PCDHGB7: variants seen among roughly 807,000 people sequenced by gnomAD.
The protein encoded by PCDHGB7 is protocadherin gamma-B7.
Under a neutral mutation model 61.4 loss-of-function variants are expected in PCDHGB7, and 37 were observed. The ratio of observed to expected loss-of-function variants is 0.60; its 90% CI spans 0.46 to 0.79. The LOEUF (loss-of-function observed/expected upper bound fraction) is 0.79, where lower values mean the gene tolerates loss of function less well. Ranked by LOEUF, PCDHGB7 falls within the 30% of genes least tolerant of loss-of-function variation. The probability of loss-of-function intolerance (pLI) is 0.00; values close to 1 mark genes in which losing one functional copy is unlikely to be tolerated. For synonymous variants in PCDHGB7, 464 were observed against 503.5 expected, an observed-to-expected ratio of 0.92 and a Z score of 1.05; for missense variants, 1,166 against 1,202.5, an observed-to-expected ratio of 0.97 and a Z score of 0.45.
intron 1 of PCDHGB7, chr5:141,478,312 C>T (rs768312280): frequency 8.1e-6 from 13 of 1,614,002 alleles, no homozygotes; most frequent in East Asian, 2.2e-5. Flanking sequence ...CCCCGGTGAG[C>T]TCACTGTACC....
In PCDHGB7 at chr5:141,419,061, A is replaced by G. The variant is rs747692559; in HGVS notation, c.1202A>G (p.Tyr401Cys). 5.0e-6 allele frequency: 8 copies of G among 1,613,964 alleles called. No homozygotes were observed. In the Admixed American group the frequency reaches 1.3e-4, roughly 27 times the overall value. ...AAGATTCATTCTTCTTCTAATAATT[A>G]CTACAAGCTAGTAACAGATGAGGCC... ...PFKIHSSSNN[Y>C]YKLVTDEALD... The change falls in exon 1 of 4, where the codon TAC becomes TGC. Residue 401 changes from tyrosine to cysteine, a missense_variant. Tyr to Cys is a radical substitution (Grantham distance 194). Transcript: ENST00000398594.
chr5:141,418,944 C>T lies in PCDHGB7; in HGVS notation c.1085C>T (p.Pro362Leu). 6.2e-7 allele frequency: 1 copy of T among 1,614,026 alleles called. No homozygotes were observed. Among genetic ancestry groups the T allele is most frequent in the Non-Finnish European group, 8.5e-7 (1 of 1,179,900 alleles). ...LSDQIMEDSP[P>L]GVVVALFKTR... ...GATCAGATTATGGAGGATTCCCCTC[C>T]AGGAGTGGTTGTTGCCCTCTTCAAA... is the stretch of plus-strand genomic sequence containing the variant. Residue 362 changes from proline (P) to leucine (L), a missense_variant, in exon 1 of 4, where the codon CCA becomes CTA. Pro to Leu is a moderately conservative substitution (Grantham distance 98, BLOSUM62 -3). Transcript: ENST00000398594.
At chr5:141,495,710 G>C (rs2099763133) in intron 2 of PCDHGB7, among the ~76,000 whole-genome samples, 1 of 152,148 alleles carries the variant, frequency 6.6e-6, no homozygotes, top group Non-Finnish European at 1.5e-5. Flanking sequence ...TGTGGAGTGA[G>C]TAACTACACG....
Position 141,476,878 on chromosome 5 carries a change from G to A in PCDHGB7, c.2416-17929G>A. 2 of 1,613,960 alleles carry A rather than the reference G, an allele frequency of 1.2e-6. No homozygotes were observed. The highest frequency in any genetic ancestry group is 1.7e-6 in the Non-Finnish European group (2 of 1,180,034). Reference sequence around the variant, plus strand: ...AGTCCTTGTACCGGGCGCGCGTCCTGGAGGATGCACCCTCCGGCACGCGCG... The same window carrying A: ...AGTCCTTGTACCGGGCGCGCGTCCTAGAGGATGCACCCTCCGGCACGCGCG... On this transcript the variant is annotated intron_variant, in intron 1 of 3. Transcript: ENST00000398594. This position sits in a 1 kb window ranked among gnomAD's most constrained non-coding sequence, Gnocchi z 7.6.
intron 2 of PCDHGB7, among the ~76,000 whole-genome samples, chr5:141,503,780 T>G (rs779791247): frequency 7.2e-5 from 11 of 152,124 alleles, no homozygotes; most frequent in Non-Finnish European, 1.3e-4. Flanking sequence ...GTTCTTAGGC[T>G]GAGTTCATCT....
rs145288114 is a variant in PCDHGB7 at position 141,477,334 on chromosome 5, C to T, written c.2416-17473C>T. On this transcript the variant is annotated intron_variant, in intron 1 of 3. Coordinates refer to ENST00000398594, the MANE Select transcript of PCDHGB7 (RefSeq NM_018927.4). This position sits in a 1 kb window ranked among gnomAD's most constrained non-coding sequence, Gnocchi z 4.9. ...GCCTTACTTCTTCCCTCAAGAATTA[C>T]TTCACTTTGAAAACCAGTGCAGACC... is the stretch of plus-strand genomic sequence containing the variant. 1.3e-4 allele frequency: 215 copies of T among 1,614,074 alleles called. No homozygotes were observed. Among genetic ancestry groups the T allele is most frequent in the Non-Finnish European group, 1.8e-4 (210 of 1,180,044 alleles).
chr5:141,506,994 G>A (rs1053891468), intron 3 of PCDHGB7: 1 of 152,126 alleles, frequency 6.6e-6, no homozygotes, highest in Non-Finnish European at 1.5e-5. Context: ...TCTCACACTC[G>A]ACAGATGAGA....
At chr5:141,426,779 T>G in intron 1 of PCDHGB7, 6 of 456,698 alleles carry the variant, frequency 1.3e-5, no homozygotes, top group Non-Finnish European at 1.8e-5. Context: ...GGCCTCACTC[T>G]CTCCAGAGTT....
chr5:141,423,139 G>A (rs2096713828), intron 1 of PCDHGB7: 2 of 1,613,616 alleles, frequency 1.2e-6, no homozygotes, highest in Middle Eastern at 1.7e-4. Flanking sequence ...GGACAGAGAC[G>A]CGCTCAAGCA....
chr5:141,427,268 A>G (rs1433017911), intron 1 of PCDHGB7: 7 of 456,648 alleles, frequency 1.5e-5, no homozygotes, highest in Non-Finnish European at 3.1e-5. Flanking sequence ...TGACCAGCGA[A>G]TGTAAAATTA....
rs767547572 is a variant in PCDHGB7 at position 141,505,495 on chromosome 5, G to C, written c.2563+14G>C. On this transcript the variant is annotated intron_variant, in intron 3 of 3. Coordinates refer to ENST00000398594, the MANE Select transcript of PCDHGB7 (RefSeq NM_018927.4). The stretch of plus-strand genomic sequence containing the variant: ...CGTCCGCCAGTGGTAAGTGGTGTCA[G>C]TGTGTGTATGGAAGAGTGGGAGACC... 5 of 1,614,210 alleles carry C rather than the reference G, an allele frequency of 3.1e-6. No individual in the cohort carries two copies. Among genetic ancestry groups the C allele is most frequent in the Non-Finnish European group, 4.2e-6 (5 of 1,180,000 alleles).
At position 141,486,135 on chromosome 5, in the gene PCDHGB7, G is replaced by A. The variant is rs145871538; in HGVS notation, c.2416-8672G>A. ...GAGAATTACTATGAATTTGATGTGC[G>A]GGCTCGCGATGGGGGTTCTCCAGCC... On this transcript the variant is annotated intron_variant, in intron 1 of 3. Transcript: ENST00000398594. This position sits in a 1 kb window ranked among gnomAD's most constrained non-coding sequence, Gnocchi z 5.0. The A allele has an allele frequency of 1.9e-6, 3 of 1,614,168 alleles. No homozygotes were observed. Among genetic ancestry groups the A allele is most frequent in the Non-Finnish European group, 2.5e-6 (3 of 1,180,022 alleles).
chr5:141,469,510 G>T (rs1022804863), intron 1 of PCDHGB7, among the ~76,000 whole-genome samples: 3 of 152,118 alleles, frequency 2.0e-5, no homozygotes, highest in African/African-American at 7.2e-5. Context: ...GGGAGGTGGA[G>T]GTTGCAGTGA....
In PCDHGB7 at chr5:141,438,621, TATATATATATATATACACAC is replaced by T. The variant is rs1185208192; in HGVS notation, c.2415+18349_2415+18368del. Among the ~76,000 whole-genome samples, 212 of 41,372 alleles carry T rather than the reference TATATATATATATATACACAC, an allele frequency of 5.1e-3. 1 individual carries two copies. The highest frequency in any genetic ancestry group is 0.03 in the African/African-American group (177 of 5,808). 27.1% of individuals were successfully genotyped at this position (41,372 alleles called of 152,430 possible). On this transcript the variant is annotated intron_variant, in intron 1 of 3. Transcript: ENST00000398594. ...ATATATATATATATATATATATATA[TATATATATATATATACACAC>T]ACACACACACATATATGTATATATA...
chr5:141,420,974 T>C, intron 1 of PCDHGB7: 1 of 460,696 alleles, frequency 2.2e-6, no homozygotes, highest in Non-Finnish European at 3.8e-6. Flanking sequence ...ATAATAAGAA[T>C]GGGCTCTAGG....
rs148675327 is a variant in PCDHGB7 at position 141,477,019 on chromosome 5, C to A, written c.2416-17788C>A. On this transcript the variant is annotated intron_variant, in intron 1 of 3. Coordinates refer to ENST00000398594, the MANE Select transcript of PCDHGB7 (RefSeq NM_018927.4). The surrounding 1 kb of genome is among the most constrained non-coding windows in gnomAD (Gnocchi z 4.9). ...AACTATTCGCCTTAGACCTTGTAAC[C>A]GGGATGCTGACAATCAAGGGTCGGC... The A allele has an allele frequency of 1.7e-5, 28 of 1,614,124 alleles. No individual in the cohort carries two copies. The African/African-American group carries it at 2.5e-4, about 15-fold the overall frequency.
rs572892456 is a variant in PCDHGB7, at chr5:141,427,959, C to T, written c.2415+7685C>T. On this transcript the variant is annotated intron_variant, in intron 1 of 3. Coordinates refer to ENST00000398594, the MANE Select transcript of PCDHGB7 (RefSeq NM_018927.4). Reference sequence around the variant, plus strand: ...GGGCGACCTCAATGACAATGTGCCGCGGGTGCTGTACCCCGCGCTGGGGCC... The same window carrying T: ...GGGCGACCTCAATGACAATGTGCCGTGGGTGCTGTACCCCGCGCTGGGGCC... 3.8e-6 allele frequency: 6 copies of T among 1,588,886 alleles called. No individual in the cohort carries two copies. The East Asian group carries it at 1.1e-4, about 30-fold the overall frequency.
intron 2 of PCDHGB7, among the ~76,000 whole-genome samples, chr5:141,501,966 C>A (rs1046026111): frequency 1.3e-5 from 2 of 152,118 alleles, no homozygotes; most frequent in African/African-American, 4.8e-5. Context: ...ATCCTCCTAA[C>A]CTCTGGCATC....
intron 3 of PCDHGB7, among the ~76,000 whole-genome samples, chr5:141,507,898 C>T (rs577177417): frequency 1.3e-5 from 2 of 152,310 alleles, no homozygotes; most frequent in East Asian, 1.9e-4. Flanking sequence ...TTCCTGAAGT[C>T]CAGCCCAGCC....
Sources: allele counts gnomAD v4.1 joint callset (sites outside exome capture counted in the v4.1 genomes callset), GRCh38; gene constraint gnomAD v4.1.1; non-coding constraint Gnocchi (gnomAD v3.1); transcripts MANE v1.5; gene names NCBI Gene and HGNC (gene_info 2026-07-23, HGNC 2026-07-21).